Variants in EPHA5 observed in about 807,000 individuals in gnomAD.
EPHA5 encodes EPH receptor A5, also known as ephrin type-A receptor 5.
EPHA5 carries 60 observed loss-of-function variants against 105.0 expected under a neutral mutation model. That is an observed-to-expected ratio of 0.57 (90% CI 0.46 to 0.71). The LOEUF is 0.71. Among genes scored for constraint, EPHA5 ranks in the 30% least tolerant of loss-of-function variants. EPHA5 has a pLI of 0.00. For synonymous variants in EPHA5, 513 were observed against 449.1 expected (o/e 1.14, Z -1.80); for missense variants, 1,218 against 1,274.7 (o/e 0.96, Z 0.68).
intron 5 of EPHA5, among the ~76,000 whole-genome samples, chr4:65,446,727 G>C (rs1256309516): frequency 1.3e-5 from 2 of 152,300 alleles, no homozygotes; most frequent in African/African-American, 4.8e-5. Flanking sequence ...TTATATGTGT[G>C]TATGTGTTGT....
chr4:65,392,538 T>C (rs1332737841), intron 8 of EPHA5, among the ~76,000 whole-genome samples: 1 of 152,144 alleles, frequency 6.6e-6, no homozygotes, highest in Non-Finnish European at 1.5e-5. Flanking sequence ...TAAAAGTTAT[T>C]GCTGCTTGAC....
intron 3 of EPHA5, among the ~76,000 whole-genome samples, chr4:65,538,252 C>A (rs544036133): frequency 6.6e-6 from 1 of 151,844 alleles, no homozygotes; most frequent in South Asian, 2.1e-4. Context: ...AAACTTTTGT[C>A]ACTTGTTAAT....
intron 2 of EPHA5, among the ~76,000 whole-genome samples, chr4:65,612,646 T>C (rs1744883752): frequency 6.6e-6 from 1 of 152,172 alleles, no homozygotes; most frequent in South Asian, 2.1e-4. Flanking sequence ...GGTACAAGAA[T>C]ATTCTTGATG....
rs1238964685 is a variant in EPHA5 at position 65,626,585 on chromosome 4, C to T, written c.246+16778G>A. ...CAAATAAATATTTGCTGAATGAGTGCATCTACAACTATATCAAGAAATTAA... is the reference window on the plus strand; with the variant it reads ...CAAATAAATATTTGCTGAATGAGTGTATCTACAACTATATCAAGAAATTAA... On this transcript the variant is annotated intron_variant, in intron 2 of 16. Coordinates refer to ENST00000613740, the MANE Select transcript of EPHA5 (RefSeq NM_001281766.3). 9.9e-5 allele frequency among the ~76,000 whole-genome samples: 15 copies of T among 152,250 alleles called. No homozygotes were observed. The South Asian group carries it at 2.5e-3, about 25-fold the overall frequency.
intron 3 of EPHA5, among the ~76,000 whole-genome samples, chr4:65,597,349 C>G (rs541657192): frequency 6.6e-6 from 1 of 152,178 alleles, no homozygotes; most frequent in South Asian, 2.1e-4. Context: ...CACAAGAGAA[C>G]TCAGCAGGCA....
intron 4 of EPHA5, among the ~76,000 whole-genome samples, chr4:65,491,811 C>T (rs901261299): frequency 3.3e-5 from 5 of 151,644 alleles, no homozygotes; most frequent in Non-Finnish European, 7.4e-5. Context: ...TTAATTATTC[C>T]TGAACTTGAT....
Position 65,377,151 on chromosome 4 carries a change from TCTG to T in EPHA5, c.1794-9730_1794-9728del, listed in dbSNP as rs1269371526. The T allele has an allele frequency of 4.0e-6, 5 of 1,260,866 alleles. No homozygotes were observed. In the Admixed American group the frequency reaches 1.5e-4, roughly 38 times the overall value. The allele number at this position is 1,260,866 out of a possible 1,614,324, so 78.1% of individuals were successfully genotyped here. On this transcript the variant is annotated intron_variant, in intron 8 of 16. Transcript: ENST00000613740. ...AAGACACTATGAATTTACTCAGGTG[TCTG>T]CTTTCCTTTTCAAAATCAAAAACCT...
intron 3 of EPHA5, among the ~76,000 whole-genome samples, chr4:65,536,605 A>AT (rs758421192): frequency 2.3e-4 from 35 of 151,782 alleles, no homozygotes; most frequent in Non-Finnish European, 3.1e-4. Flanking sequence ...TTCTAACTAC[A>AT]TTTTTAAAAG....
chr4:65,497,462 C>A (rs1168673586), intron 3 of EPHA5, among the ~76,000 whole-genome samples: 1 of 152,004 alleles, frequency 6.6e-6, no homozygotes, highest in Non-Finnish European at 1.5e-5. Flanking sequence ...TAGGGACATT[C>A]TTGTAGTTAA....
intron 2 of EPHA5, among the ~76,000 whole-genome samples, chr4:65,620,405 TAACACC>T (rs1409274930): frequency 6.6e-6 from 1 of 152,064 alleles, no homozygotes; most frequent in African/African-American, 2.4e-5. Flanking sequence ...AAAAATGTCT[TAACACC>T]AATCCAATAA....
intron 5 of EPHA5, among the ~76,000 whole-genome samples, chr4:65,435,053 A>G (rs1242966604): frequency 6.6e-6 from 1 of 152,140 alleles, no homozygotes; most frequent in Non-Finnish European, 1.5e-5. Context: ...ACATAAGGAT[A>G]GGAATTTGCC....
intron 14 of EPHA5, among the ~76,000 whole-genome samples, chr4:65,337,764 G>C (rs1186544802): frequency 1.3e-5 from 2 of 151,974 alleles, no homozygotes; most frequent in Non-Finnish European, 2.9e-5. Flanking sequence ...AAAGGTAAGG[G>C]TCATCAGCAC....
intron 3 of EPHA5, among the ~76,000 whole-genome samples, chr4:65,571,336 A>G (rs1028636409): frequency 2.8e-4 from 42 of 149,532 alleles, no homozygotes; most frequent in African/African-American, 1.0e-3. Flanking sequence ...AAAAAAAAAC[A>G]GATCAAAAAT....
intron 5 of EPHA5, among the ~76,000 whole-genome samples, chr4:65,427,922 G>A (rs187330767): frequency 2.1e-4 from 32 of 152,164 alleles, no homozygotes; most frequent in Admixed American, 7.9e-4. Context: ...GTATGATCAT[G>A]TAACAATTTA....
At chr4:65,446,342 ATTACT>A (rs1336557618) in intron 5 of EPHA5, among the ~76,000 whole-genome samples, 21 of 152,322 alleles carry the variant, frequency 1.4e-4, no homozygotes, top group Non-Finnish European at 2.5e-4. Flanking sequence ...TCATTTAATC[ATTACT>A]TTACTTAATA....
chr4:65,338,405 T>G (rs1047851079), intron 14 of EPHA5, among the ~76,000 whole-genome samples: 1 of 152,106 alleles, frequency 6.6e-6, no homozygotes, highest in African/African-American at 2.4e-5. Context: ...CAAAACATGG[T>G]TTATTTCATA....
chr4:65,498,002 A>T (rs185183817), intron 3 of EPHA5, among the ~76,000 whole-genome samples: 2 of 152,078 alleles, frequency 1.3e-5, no homozygotes, highest in East Asian at 3.9e-4. Flanking sequence ...ATAGCAGTAA[A>T]CATAGATACC....
At chr4:65,467,031 G>A (rs141402673) in intron 5 of EPHA5, among the ~76,000 whole-genome samples, 1 of 152,072 alleles carries the variant, frequency 6.6e-6, no homozygotes, top group African/African-American at 2.4e-5. Context: ...AATTACCATT[G>A]GGACAAAAGA....
intron 7 of EPHA5, among the ~76,000 whole-genome samples, chr4:65,405,936 G>A (rs1722315941): frequency 1.3e-5 from 2 of 151,850 alleles, no homozygotes; most frequent in Non-Finnish European, 2.9e-5. Flanking sequence ...TGTTTCTAGA[G>A]AAACCCATCC....
Sources: gnomAD v4.1 joint callset for allele counts (sites outside exome capture counted in the v4.1 genomes callset) on GRCh38, gnomAD v4.1.1 for gene constraint, MANE v1.5 for transcripts, NCBI Gene and HGNC (gene_info 2026-07-23, HGNC 2026-07-21) for gene names.